ZFAT: variants seen among roughly 807,000 people sequenced by gnomAD.
ZFAT encodes the protein zinc finger protein ZFAT.
A neutral mutation model predicts 117.7 loss-of-function variants in ZFAT; 64 were observed. That is an observed-to-expected ratio of 0.54 (90% CI 0.44 to 0.67). The LOEUF (loss-of-function observed/expected upper bound fraction) is 0.67. Ranked by LOEUF, ZFAT falls within the 30% of genes least tolerant of loss-of-function variation. ZFAT has a pLI of 0.00. For synonymous variants in ZFAT, 679 were observed against 615.0 expected (o/e 1.10, Z -1.54); for missense variants, 1,433 against 1,584.5 (o/e 0.90, Z 1.62).
the ZFAT span, among the ~76,000 whole-genome samples, chr8:134,799,988 AG>A: frequency 5.8e-4 from 89 of 152,304 alleles, 1 homozygote; most frequent in African/African-American, 1.8e-3. Flanking sequence ...TTTACAGATG[AG>A]AAAACCACTG....
At chr8:134,656,841 G>C (rs1006090812) in intron 2 of ZFAT, among the ~76,000 whole-genome samples, 2 of 152,168 alleles carry the variant, frequency 1.3e-5, no homozygotes, top group East Asian at 3.8e-4. Context: ...TTCTCTGTCT[G>C]TGGGGACCTA....
At chr8:134,589,329 C>T (rs1826282019) in intron 8 of ZFAT, among the ~76,000 whole-genome samples, 1 of 152,208 alleles carries the variant, frequency 6.6e-6, no homozygotes, top group Admixed American at 6.5e-5. Context: ...TCTGTCCATT[C>T]CCAGCTGAAA....
intron 13 of ZFAT, among the ~76,000 whole-genome samples, chr8:134,513,426 G>A (rs1193672216): frequency 6.6e-6 from 1 of 152,156 alleles, no homozygotes; most frequent in Non-Finnish European, 1.5e-5. Context: ...GATCTCCTGA[G>A]CCTCCCAAAG....
the ZFAT span, among the ~76,000 whole-genome samples, chr8:134,803,121 C>A: frequency 6.6e-6 from 1 of 152,130 alleles, no homozygotes; most frequent in Non-Finnish European, 1.5e-5. Flanking sequence ...GGATAACTGG[C>A]CTAGCTGGGC....
intron 12 of ZFAT, among the ~76,000 whole-genome samples, chr8:134,528,543 G>T (rs6578149): frequency 0.45 from 68,277 of 152,070 alleles, 15,712 homozygotes; most frequent in South Asian, 0.56. Flanking sequence ...AGGTACACAT[G>T]CATACATATT....
At chr8:134,758,041 C>G in the ZFAT span, among the ~76,000 whole-genome samples, 58,697 of 152,084 alleles carry the variant, frequency 0.39, 11,387 homozygotes, top group Admixed American at 0.47. Context: ...TGATGACTAG[C>G]AGACTTGAGA....
rs78476659 is a variant in ZFAT at position 134,502,083 on chromosome 8, A to G, written c.3492+7536T>C. On this transcript the variant is annotated intron_variant, in intron 15 of 15. Transcript: ENST00000377838. The stretch of plus-strand genomic sequence containing the variant: ...CGCTTGTTTTTAAAAGTAAAAATAA[A>G]AATAGATTTTGAAGCCTCATAGAGT... Among the ~76,000 whole-genome samples the G allele has an allele frequency of 7.0e-3, 1,063 of 152,348 alleles. 13 individuals are homozygous for G. The highest frequency in any genetic ancestry group is 0.025 in the African/African-American group (1,020 of 41,574).
intron 9 of ZFAT, among the ~76,000 whole-genome samples, chr8:134,586,344 T>C (rs750838278): frequency 1.4e-4 from 22 of 152,214 alleles, no homozygotes; most frequent in Non-Finnish European, 2.8e-4. Context: ...GTGCTAAGCC[T>C]TCTACTGAGG....
At chr8:134,786,102 G>T in the ZFAT span, among the ~76,000 whole-genome samples, 5 of 152,124 alleles carry the variant, frequency 3.3e-5, no homozygotes, top group African/African-American at 1.2e-4. Flanking sequence ...CTTGCAGATT[G>T]CTCTTATATC....
the ZFAT span, among the ~76,000 whole-genome samples, chr8:134,805,206 T>A: frequency 6.6e-6 from 1 of 152,156 alleles, no homozygotes. Flanking sequence ...ATTACCCTGA[T>A]ATCCTACATG....
the ZFAT span, among the ~76,000 whole-genome samples, chr8:134,719,060 G>C: frequency 6.6e-6 from 1 of 152,194 alleles, no homozygotes; most frequent in African/African-American, 2.4e-5. Context: ...CAGAAAAGCT[G>C]AAAATGTGGA....
the ZFAT span, among the ~76,000 whole-genome samples, chr8:134,801,572 A>T: frequency 6.6e-6 from 1 of 152,122 alleles, no homozygotes; most frequent in South Asian, 2.1e-4. Context: ...AAGATTAAAT[A>T]CACATATACC....
chr8:134,563,487 A>C (rs752408877), intron 11 of ZFAT, among the ~76,000 whole-genome samples: 1 of 152,164 alleles, frequency 6.6e-6, no homozygotes, highest in East Asian at 1.9e-4. Flanking sequence ...GAACCATGAA[A>C]ATTCACCTCC....
the ZFAT span, among the ~76,000 whole-genome samples, chr8:134,772,482 T>C: frequency 6.6e-6 from 1 of 152,210 alleles, no homozygotes; most frequent in Non-Finnish European, 1.5e-5. Flanking sequence ...AAGGCCCTAA[T>C]TATTTTCAAT....
At chr8:134,823,019 A>G in the ZFAT span, among the ~76,000 whole-genome samples, 2 of 152,238 alleles carry the variant, frequency 1.3e-5, no homozygotes, top group African/African-American at 4.8e-5. Flanking sequence ...ACTGACTTAA[A>G]GTACAGGTTA....
chr8:134,610,400 G>C (rs1224153382), intron 4 of ZFAT, 70 bp downstream of exon 4: 2 of 1,496,364 alleles, frequency 1.3e-6, no homozygotes, highest in Admixed American at 2.3e-5. Context: ...CTCAGACTGT[G>C]ACATCAGGCT....
At chr8:134,786,753 T>C in the ZFAT span, among the ~76,000 whole-genome samples, 1 of 152,136 alleles carries the variant, frequency 6.6e-6, no homozygotes, top group Non-Finnish European at 1.5e-5. Flanking sequence ...AATTTCAAAT[T>C]TATTCACATA....
chr8:134,775,225 T>C, the ZFAT span, among the ~76,000 whole-genome samples: 1 of 152,250 alleles, frequency 6.6e-6, no homozygotes, highest in Non-Finnish European at 1.5e-5. Context: ...GATCTATTTT[T>C]GTTATATTCT....
At chr8:134,621,327 G>A (rs1231320021) in intron 3 of ZFAT, among the ~76,000 whole-genome samples, 2 of 151,878 alleles carry the variant, frequency 1.3e-5, no homozygotes, top group Non-Finnish European at 2.9e-5. Flanking sequence ...ATCACAGAAG[G>A]GAGATCAACT....
Sources: allele counts gnomAD v4.1 joint callset (sites outside exome capture counted in the v4.1 genomes callset), GRCh38; gene constraint gnomAD v4.1.1; transcripts MANE v1.5; gene names NCBI Gene and HGNC (gene_info 2026-07-23, HGNC 2026-07-21).